Variants in CACNA2D3 observed in about 807,000 individuals in gnomAD.
CACNA2D3 encodes calcium voltage-gated channel auxiliary subunit alpha2delta 3, also known as voltage-dependent calcium channel subunit alpha-2/delta-3.
In CACNA2D3, 60 loss-of-function variants were observed where a neutral mutation model predicts 160.6. The observed-to-expected ratio is 0.37, with a 90% CI of 0.30 to 0.46. The LOEUF (loss-of-function observed/expected upper bound fraction) is 0.46. Ranked by LOEUF, CACNA2D3 falls within the 20% of genes least tolerant of loss-of-function variation. The probability of loss-of-function intolerance (pLI) is 1.00; values close to 1 mark genes in which losing one functional copy is unlikely to be tolerated. For synonymous variants in CACNA2D3, 558 were observed against 492.9 expected, an observed-to-expected ratio of 1.13 and a Z score of -1.75; for missense variants, 1,205 against 1,365.0, an observed-to-expected ratio of 0.88 and a Z score of 1.85.
At chr3:54,215,830 A>G (rs1701450594) in intron 2 of CACNA2D3, among the ~76,000 whole-genome samples, 1 of 152,024 alleles carries the variant, frequency 6.6e-6, no homozygotes, top group South Asian at 2.1e-4. Context: ...CTGGAAACCT[A>G]TCCCATTCAA....
chr3:54,822,194 G>A (rs939707767), intron 14 of CACNA2D3, among the ~76,000 whole-genome samples: 1 of 152,110 alleles, frequency 6.6e-6, no homozygotes, highest in African/African-American at 2.4e-5. Context: ...CCAAGCCGGG[G>A]GTGTTAAGAT....
intron 2 of CACNA2D3, among the ~76,000 whole-genome samples, chr3:54,220,649 A>G (rs1217271518): frequency 6.6e-6 from 1 of 151,988 alleles, no homozygotes; most frequent in East Asian, 1.9e-4. Flanking sequence ...CCCTTCCTCT[A>G]GCTTCAGGTC....
chr3:54,482,704 G>A (rs1700953401), intron 4 of CACNA2D3, among the ~76,000 whole-genome samples: 1 of 152,168 alleles, frequency 6.6e-6, no homozygotes, highest in Admixed American at 6.5e-5. Flanking sequence ...TCTTGCTCAT[G>A]TAAATGCCAC....
intron 4 of CACNA2D3, among the ~76,000 whole-genome samples, chr3:54,411,021 A>T (rs1378090923): frequency 2.0e-5 from 3 of 152,224 alleles, no homozygotes; most frequent in African/African-American, 7.2e-5. Context: ...TGAGTGAAGG[A>T]AGTTACTGTA....
chr3:54,894,935 T>C (rs574299836), intron 25 of CACNA2D3, among the ~76,000 whole-genome samples: 1 of 151,676 alleles, frequency 6.6e-6, no homozygotes, highest in South Asian at 2.1e-4. Flanking sequence ...ACTTTCTCAG[T>C]CTTGCACATG....
intron 14 of CACNA2D3, among the ~76,000 whole-genome samples, chr3:54,818,466 C>T (rs961440987): frequency 3.3e-5 from 5 of 152,178 alleles, no homozygotes; most frequent in South Asian, 2.1e-4. Flanking sequence ...TGAGCCACTG[C>T]GCCCAGCCAG....
chr3:54,171,934 A>G (rs149976154), intron 2 of CACNA2D3, among the ~76,000 whole-genome samples: 4 of 152,048 alleles, frequency 2.6e-5, no homozygotes, highest in Non-Finnish European at 5.9e-5. Context: ...TCTTTCCTCA[A>G]CTGGAGCCTA....
At chr3:54,164,930 T>G (rs1400741797) in intron 2 of CACNA2D3, among the ~76,000 whole-genome samples, 3 of 152,148 alleles carry the variant, frequency 2.0e-5, no homozygotes, top group African/African-American at 7.2e-5. Flanking sequence ...TCTGCGAAGC[T>G]CTTAACCCAG....
chr3:54,715,690 G>C (rs1329451349), intron 11 of CACNA2D3, among the ~76,000 whole-genome samples: 1 of 152,122 alleles, frequency 6.6e-6, no homozygotes, highest in Non-Finnish European at 1.5e-5. Context: ...TATGAGCTCT[G>C]TGTCAGGAAA....
chr3:54,649,039 T>C (rs545828941), intron 11 of CACNA2D3, among the ~76,000 whole-genome samples: 6 of 152,160 alleles, frequency 3.9e-5, no homozygotes, highest in Non-Finnish European at 5.9e-5. Context: ...ATCCAAACTA[T>C]ATCAGTTACA....
chr3:54,354,170 A>G (rs1698610397), intron 3 of CACNA2D3, among the ~76,000 whole-genome samples: 2 of 152,134 alleles, frequency 1.3e-5, no homozygotes, highest in African/African-American at 4.8e-5. Context: ...GCTTTGGATC[A>G]GAATTTGGAA....
intron 18 of CACNA2D3, among the ~76,000 whole-genome samples, chr3:54,876,537 A>G (rs2951878): frequency 0.93 from 141,348 of 152,278 alleles, 65,736 homozygotes; most frequent in East Asian, 1. Flanking sequence ...ATTTTATTTG[A>G]TTTTTAAAAA....
chr3:54,629,445 A>C (rs1699187566), intron 10 of CACNA2D3, among the ~76,000 whole-genome samples: 1 of 152,222 alleles, frequency 6.6e-6, no homozygotes, highest in Non-Finnish European at 1.5e-5. Context: ...ATGACTGTTT[A>C]GATCTCAGTC....
At chr3:54,919,982 G>C (rs1323399028) in intron 27 of CACNA2D3, among the ~76,000 whole-genome samples, 1 of 152,126 alleles carries the variant, frequency 6.6e-6, no homozygotes, top group Non-Finnish European at 1.5e-5. Flanking sequence ...GGCACTGTCT[G>C]CTAGGAAGCC....
rs909014819 is a variant in CACNA2D3 at position 55,007,801 on chromosome 3, C to T, written c.2778C>T (p.Ala926=). The T allele has an allele frequency of 4.5e-6, 7 of 1,558,320 alleles. No homozygotes were observed. Among genetic ancestry groups the T allele is most frequent in the Non-Finnish European group, 6.1e-6 (7 of 1,155,108 alleles). The part of the protein sequence containing the change: ...GAHGLLDPYN[A]FLSAVKWIMT... ...ATTCTTCTCTTCAGCCTTATAATGC[C>T]TTCCTCTCTGCAGTAAAATGGATCA... The change falls in exon 33 of 38, where the codon GCC becomes GCT. Residue 926 remains alanine, a synonymous_variant. Coordinates refer to ENST00000474759, the MANE Select transcript of CACNA2D3 (RefSeq NM_018398.3).
At chr3:54,463,046 G>A (rs1357945402) in intron 4 of CACNA2D3, among the ~76,000 whole-genome samples, 1 of 151,448 alleles carries the variant, frequency 6.6e-6, no homozygotes, top group African/African-American at 2.4e-5. Context: ...GCTTAGTTTG[G>A]CTGGATATGA....
chr3:55,039,490 T>C (rs1334415943), intron 35 of CACNA2D3, among the ~76,000 whole-genome samples: 1 of 152,246 alleles, frequency 6.6e-6, no homozygotes, highest in Non-Finnish European at 1.5e-5. Flanking sequence ...TGTACCCATA[T>C]GCAGCTTCAA....
intron 35 of CACNA2D3, among the ~76,000 whole-genome samples, chr3:55,062,200 G>C (rs1704527327): frequency 6.6e-6 from 1 of 151,972 alleles, no homozygotes; most frequent in Admixed American, 6.6e-5. Context: ...GCTCACTGCA[G>C]CCTCAAAGTC....
intron 13 of CACNA2D3, among the ~76,000 whole-genome samples, chr3:54,801,814 TTGAA>T (rs1435734303): frequency 5.3e-5 from 8 of 151,928 alleles, no homozygotes; most frequent in African/African-American, 9.7e-5. Flanking sequence ...AAAAAAAAAA[TTGAA>T]GTCCCATCCA....
Sources: gnomAD v4.1 joint callset for allele counts (sites outside exome capture counted in the v4.1 genomes callset) on GRCh38, gnomAD v4.1.1 for gene constraint, MANE v1.5 for transcripts, NCBI Gene and HGNC (gene_info 2026-07-23, HGNC 2026-07-21) for gene names.